The following PPP2R3C variants were observed in gnomAD, a reference collection of about 807,000 sequenced individuals.
PPP2R3C encodes protein phosphatase 2 regulatory subunit B''gamma.
A neutral mutation model predicts 63.7 loss-of-function variants in PPP2R3C; 47 were observed. That is an observed-to-expected ratio of 0.74 (90% CI 0.58 to 0.94). The LOEUF (loss-of-function observed/expected upper bound fraction) is 0.94, where lower values mean the gene tolerates loss of function less well. Ranked by LOEUF, PPP2R3C falls within the 40% of genes least tolerant of loss-of-function variation. The pLI is 0.00. For synonymous variants in PPP2R3C, 180 were observed against 177.4 expected (o/e 1.01, Z -0.12); for missense variants, 421 against 518.4 (o/e 0.81, Z 1.82).
intron 2 of PPP2R3C, 126 bp from the exon 3 acceptor site, chr14:35,110,755 T>A: frequency 1.6e-6 from 1 of 619,776 alleles, no homozygotes; most frequent in Non-Finnish European, 2.8e-6. Context: ...ACCTTAATTG[T>A]GCTTAACATT....
chr14:35,086,649 C>T (rs2045607386), intron 12 of PPP2R3C: 1 of 152,536 alleles, frequency 6.6e-6, no homozygotes, highest in African/African-American at 2.4e-5. Flanking sequence ...AGGCGTGTGC[C>T]ACCACATCTG....
rs1203527825 is a variant in PPP2R3C, at chr14:35,105,471, G to A, written c.573+1833C>T. On this transcript the variant is annotated intron_variant, in intron 6 of 12. Transcript: ENST00000261475. ...GCTGGGATTATAGGCATGAGCCACC[G>A]CGCCCAGCCAAAAGGCCTTTTTTTT... is the stretch of plus-strand genomic sequence containing the variant. 3.3e-5 allele frequency among the ~76,000 whole-genome samples: 5 copies of A among 151,620 alleles called. No homozygotes were observed. In the East Asian group the frequency reaches 5.8e-4, roughly 18 times the overall value.
chr14:35,116,876 G>A, intron 1 of PPP2R3C, 139 bp from the exon 2 acceptor site: 2 of 670,038 alleles, frequency 3.0e-6, no homozygotes, highest in South Asian at 2.2e-5. Flanking sequence ...CTTAGACACT[G>A]AGCATATTAA....
intron 4 of PPP2R3C, among the ~76,000 whole-genome samples, chr14:35,109,517 C>T (rs1467217985): frequency 6.6e-6 from 1 of 151,586 alleles, no homozygotes; most frequent in Non-Finnish European, 1.5e-5. Context: ...CTTGCTCTAT[C>T]GCCCAGGCTG....
chr14:35,111,691 C>T (rs2046564809), intron 2 of PPP2R3C, among the ~76,000 whole-genome samples: 1 of 152,170 alleles, frequency 6.6e-6, no homozygotes, highest in African/African-American at 2.4e-5. Context: ...GATGTCTTTT[C>T]AGGCTTTTGC....
chr14:35,121,912 G>T lies in PPP2R3C; in HGVS notation c.48C>A (p.Thr16=). 6.2e-7 allele frequency: 1 copy of T among 1,614,180 alleles called. No homozygotes were observed. The highest frequency in any genetic ancestry group is 8.5e-7 in the Non-Finnish European group (1 of 1,180,028). ...CCTCCCAAAACTCACTGTTTGGACAGGTGTTGGGCGTCGCTAGGCGCCGAC... is the reference window on the plus strand; with the variant it reads ...CCTCCCAAAACTCACTGTTTGGACATGTGTTGGGCGTCGCTAGGCGCCGAC... The part of the protein sequence containing the change: ...VLRRRLATPN[T]CPNKKKSEQE... Residue 16 remains threonine (T), a synonymous_variant, in exon 1 of 13, where the codon ACC becomes ACA. Transcript: ENST00000261475.
Position 35,107,523 on chromosome 14 carries a change from T to C in PPP2R3C, c.503-149A>G, listed in dbSNP as rs180943589. On this transcript the variant is annotated intron_variant, in intron 5 of 12. Coordinates refer to ENST00000261475, the MANE Select transcript of PPP2R3C (RefSeq NM_017917.4). ...CAAAATTGCTTGAAACAAAAAACCA[T>C]AGAATGGAAGAGTTCAACAATTCTA... 8.2e-4 allele frequency: 518 copies of C among 631,342 alleles called. 1 individual carries two copies. The highest frequency in any genetic ancestry group is 1.3e-3 in the Middle Eastern group (3 of 2,286). The allele number at this position is 631,342 out of a possible 1,614,324, so 39.1% of individuals were successfully genotyped here. A position where few individuals can be genotyped will look rare whatever the true frequency, so the allele number is the denominator to read the frequency against.
chr14:35,103,540 G>C (rs911872624), intron 6 of PPP2R3C, among the ~76,000 whole-genome samples: 1 of 152,064 alleles, frequency 6.6e-6, no homozygotes, highest in Non-Finnish European at 1.5e-5. Context: ...TTATAATTTA[G>C]TGTCTGTCTT....
At chr14:35,103,029 G>A (rs552736863) in intron 6 of PPP2R3C, among the ~76,000 whole-genome samples, 1 of 152,254 alleles carries the variant, frequency 6.6e-6, no homozygotes, top group African/African-American at 2.4e-5. Context: ...CAAAGTTGCT[G>A]GGATTACGGG....
chr14:35,094,937 G>C (rs894910552), intron 10 of PPP2R3C, 111 bp downstream of exon 10: 156 of 1,213,472 alleles, frequency 1.3e-4, no homozygotes, highest in Non-Finnish European at 1.8e-4. Context: ...CTAGGCGACA[G>C]AGCAAGACTC....
intron 1 of PPP2R3C, among the ~76,000 whole-genome samples, chr14:35,121,302 G>A (rs1230405730): frequency 1.3e-5 from 2 of 151,950 alleles, no homozygotes; most frequent in East Asian, 1.9e-4. Context: ...GCTTGAACCC[G>A]GGAGGCAGAG....
At chr14:35,104,944 G>A (rs1298307068) in intron 6 of PPP2R3C, among the ~76,000 whole-genome samples, 1 of 151,830 alleles carries the variant, frequency 6.6e-6, no homozygotes, top group Non-Finnish European at 1.5e-5. Context: ...ATGTTGATCA[G>A]GCTGGTCTCG....
intron 2 of PPP2R3C, among the ~76,000 whole-genome samples, chr14:35,110,923 G>A (rs2046533920): frequency 6.6e-6 from 1 of 152,054 alleles, no homozygotes; most frequent in Non-Finnish European, 1.5e-5. Context: ...AGAATTGGCT[G>A]GGCATGCTGG....
At chr14:35,117,773 C>T (rs757662960) in intron 1 of PPP2R3C, among the ~76,000 whole-genome samples, 2 of 152,048 alleles carry the variant, frequency 1.3e-5, no homozygotes, top group African/African-American at 2.4e-5. Context: ...CGGGTCACGG[C>T]AACCTCCGCC....
intron 12 of PPP2R3C, chr14:35,086,425 C>T (rs2045595724): frequency 9.2e-5 from 14 of 151,712 alleles, no homozygotes; most frequent in Admixed American, 9.2e-4. Context: ...TCTCAAACTC[C>T]TGATGTTAAG....
At chr14:35,105,236 G>A (rs956934810) in intron 6 of PPP2R3C, among the ~76,000 whole-genome samples, 7 of 151,658 alleles carry the variant, frequency 4.6e-5, no homozygotes, top group African/African-American at 1.7e-4. Context: ...AGGCTGGAGT[G>A]CAATGGCACA....
At chr14:35,114,594 G>A (rs2046654594) in intron 2 of PPP2R3C, among the ~76,000 whole-genome samples, 1 of 151,910 alleles carries the variant, frequency 6.6e-6, no homozygotes. Context: ...ATACTAAATA[G>A]GTATTTTTCA....
chr14:35,091,537 C>T (rs1027355935), intron 10 of PPP2R3C, among the ~76,000 whole-genome samples: 1 of 151,402 alleles, frequency 6.6e-6, no homozygotes, highest in African/African-American at 2.4e-5. Flanking sequence ...CTGGCTAATT[C>T]TGTATTTTTA....
At chr14:35,091,630 GTGC>G (rs1356891771) in intron 10 of PPP2R3C, among the ~76,000 whole-genome samples, 2 of 152,070 alleles carry the variant, frequency 1.3e-5, no homozygotes, top group African/African-American at 4.8e-5. Flanking sequence ...GCCTCCCAAA[GTGC>G]TGGGATTATA....
Sources: allele counts gnomAD v4.1 joint callset (sites outside exome capture counted in the v4.1 genomes callset), GRCh38; gene constraint gnomAD v4.1.1; transcripts MANE v1.5; gene names NCBI Gene and HGNC (gene_info 2026-07-23, HGNC 2026-07-21).